Variants in FARP1 observed in about 807,000 individuals in gnomAD.
The protein encoded by FARP1 is FERM, ARHGEF and pleckstrin domain-containing protein 1.
Under a neutral mutation model 128.8 loss-of-function variants are expected in FARP1, and 52 were observed. The ratio of observed to expected loss-of-function variants is 0.40; its 90% CI spans 0.32 to 0.51. The LOEUF is 0.51. Among genes scored for constraint, FARP1 ranks in the 20% least tolerant of loss-of-function variants. The pLI, the probability that FARP1 is intolerant of heterozygous loss-of-function variation, is 0.45. For synonymous variants in FARP1, 580 were observed against 551.8 expected, an observed-to-expected ratio of 1.05 and a Z score of -0.72; for missense variants, 1,333 against 1,367.9, an observed-to-expected ratio of 0.97 and a Z score of 0.40.
At chr13:98,146,545 A>G (rs1875579416) in intron 1 of FARP1, among the ~76,000 whole-genome samples, 1 of 152,204 alleles carries the variant, frequency 6.6e-6, no homozygotes, top group African/African-American at 2.4e-5. Flanking sequence ...ATGTTTTGAT[A>G]GCATGGTGGA....
At chr13:98,445,575 G>GC (rs1331099617) in intron 24 of FARP1, 3 of 152,466 alleles carry the variant, frequency 2.0e-5, no homozygotes, top group Non-Finnish European at 4.4e-5. Context: ...AGGGTGCCTG[G>GC]CCCCTCAAAA....
chr13:98,410,643 G>A, intron 14 of FARP1, 91 bp from the exon 15 acceptor site: 1 of 619,836 alleles, frequency 1.6e-6, no homozygotes, highest in Non-Finnish European at 3.0e-6. Context: ...AAGATCACAA[G>A]TTAGTAACAT....
chr13:98,177,099 G>A, intron 1 of FARP1: 1 of 1,600,242 alleles, frequency 6.2e-7, no homozygotes. Flanking sequence ...CGCTGCTGCT[G>A]CTCTCTCCGT....
intron 18 of FARP1, chr13:98,431,571 C>G (rs1278919987): frequency 5.3e-5 from 12 of 226,148 alleles, no homozygotes; most frequent in Non-Finnish European, 1.0e-4. Context: ...AAGCGATTCT[C>G]CTGCCTCAGC....
chr13:98,375,153 A>G (rs1007360626), intron 5 of FARP1, among the ~76,000 whole-genome samples: 4 of 152,220 alleles, frequency 2.6e-5, no homozygotes, highest in Non-Finnish European at 5.9e-5. Flanking sequence ...TGTGTGCTTC[A>G]TATTTCATTA....
At chr13:98,144,041 C>T (rs1323813093) in intron 1 of FARP1, among the ~76,000 whole-genome samples, 3 of 152,144 alleles carry the variant, frequency 2.0e-5, no homozygotes, top group African/African-American at 4.8e-5. Flanking sequence ...TCTCTCTTTA[C>T]TGTCTGCCTT....
At chr13:98,193,183 A>G (rs1392617915) in intron 1 of FARP1, among the ~76,000 whole-genome samples, 2 of 151,632 alleles carry the variant, frequency 1.3e-5, no homozygotes, top group Non-Finnish European at 2.9e-5. Context: ...TCAGCCTCCC[A>G]AGTAGCTGAG....
chr13:98,381,882 G>T (rs187193491), intron 6 of FARP1, among the ~76,000 whole-genome samples: 3 of 152,148 alleles, frequency 2.0e-5, no homozygotes, highest in African/African-American at 7.2e-5. Flanking sequence ...GCTGGGTGCG[G>T]TGGCTCATGT....
intron 2 of FARP1, among the ~76,000 whole-genome samples, chr13:98,331,470 T>G (rs145308619): frequency 6.6e-6 from 1 of 152,174 alleles, no homozygotes; most frequent in Non-Finnish European, 1.5e-5. Context: ...CAGAAGATAG[T>G]GAAATATGAG....
chr13:98,369,590 A>C (rs1483917269), intron 5 of FARP1, among the ~76,000 whole-genome samples: 1 of 151,094 alleles, frequency 6.6e-6, no homozygotes, highest in Admixed American at 6.6e-5. Flanking sequence ...TGTTCAGTTC[A>C]CACCTATGAG....
intron 2 of FARP1, among the ~76,000 whole-genome samples, chr13:98,294,977 A>G (rs758792761): frequency 2.1e-4 from 31 of 150,892 alleles, no homozygotes; most frequent in Non-Finnish European, 4.4e-4. Flanking sequence ...AGATCACACC[A>G]TTGCACTCCA....
intron 18 of FARP1, 45 bp from the exon 19 acceptor site, chr13:98,435,531 T>G (rs775428491): frequency 5.7e-6 from 9 of 1,571,312 alleles, no homozygotes; most frequent in Non-Finnish European, 7.8e-6. Context: ...GGAAGACCCC[T>G]GCCTGCCTTT....
chr13:98,189,852 C>T (rs1350872836), intron 1 of FARP1, among the ~76,000 whole-genome samples: 1 of 152,172 alleles, frequency 6.6e-6, no homozygotes, highest in Admixed American at 6.5e-5. Flanking sequence ...TTCTATTAAC[C>T]AAAGCCTTTT....
At chr13:98,310,811 A>C (rs1261780805) in intron 2 of FARP1, among the ~76,000 whole-genome samples, 1 of 152,332 alleles carries the variant, frequency 6.6e-6, no homozygotes, top group East Asian at 1.9e-4. Context: ...ATTTGTCTTA[A>C]GTTTCCTGTT....
intron 2 of FARP1, among the ~76,000 whole-genome samples, chr13:98,273,697 T>G (rs1884497897): frequency 6.6e-6 from 1 of 152,248 alleles, no homozygotes; most frequent in Non-Finnish European, 1.5e-5. Flanking sequence ...AATCATATTC[T>G]GTTGATAACA....
At chr13:98,412,381 C>T in intron 16 of FARP1, among the ~76,000 whole-genome samples, 1 of 152,218 alleles carries the variant, frequency 6.6e-6, no homozygotes, top group East Asian at 1.9e-4. Flanking sequence ...TAATATTTTA[C>T]TGGTGCTTGC....
In FARP1 at chr13:98,438,881, A is replaced by G. The variant is rs1249136310; in HGVS notation, c.2343+9A>G. ...AGCGCATGTTCTTCCTGGTGAGTGGAGAGAGCGGCTTGTCCTCACAAGGAT... is the reference window on the plus strand; with the variant it reads ...AGCGCATGTTCTTCCTGGTGAGTGGGGAGAGCGGCTTGTCCTCACAAGGAT... On this transcript the variant is annotated intron_variant, in intron 20 of 26. Transcript: ENST00000319562. 3.7e-6 allele frequency: 6 copies of G among 1,613,206 alleles called. No individual in the cohort carries two copies. Among genetic ancestry groups the G allele is most frequent in the Non-Finnish European group, 4.2e-6 (5 of 1,179,398 alleles).
intron 2 of FARP1, among the ~76,000 whole-genome samples, chr13:98,292,406 GC>G (rs756925581): frequency 2.6e-5 from 4 of 152,208 alleles, no homozygotes; most frequent in Non-Finnish European, 4.4e-5. Context: ...GTGGGGGAAA[GC>G]CATGGGGAAA....
At chr13:98,398,672 G>C (rs1257985557) in intron 13 of FARP1, 2 of 152,188 alleles carry the variant, frequency 1.3e-5, no homozygotes, top group African/African-American at 4.8e-5. Context: ...GGGTTTTGCA[G>C]TTATAACACA....
Sources: gnomAD v4.1 joint callset for allele counts (sites outside exome capture counted in the v4.1 genomes callset) on GRCh38, gnomAD v4.1.1 for gene constraint, MANE v1.5 for transcripts, NCBI Gene and HGNC (gene_info 2026-07-23, HGNC 2026-07-21) for gene names.